RNGTT: variants seen among roughly 807,000 people sequenced by gnomAD.
RNGTT encodes RNA guanylyltransferase and 5'-phosphatase, also known as mRNA-capping enzyme.
In RNGTT, 33 loss-of-function variants were observed where a neutral mutation model predicts 79.3. The observed-to-expected ratio is 0.42, with a 90% CI of 0.32 to 0.56. The LOEUF (loss-of-function observed/expected upper bound fraction) is 0.56, where lower values mean the gene tolerates loss of function less well. Among genes scored for constraint, RNGTT ranks in the 20% least tolerant of loss-of-function variants. The pLI, the probability that RNGTT is intolerant of heterozygous loss-of-function variation, is 0.17. For missense variants in RNGTT, 497 were observed against 739.1 expected, an observed-to-expected ratio of 0.67 and a Z score of 3.80; for synonymous variants, 222 against 235.9, an observed-to-expected ratio of 0.94 and a Z score of 0.54.
chr6:88,892,325 GAC>G (rs754726960), intron 6 of RNGTT, among the ~76,000 whole-genome samples: 4 of 152,068 alleles, frequency 2.6e-5, no homozygotes, highest in Non-Finnish European at 2.9e-5. Flanking sequence ...AGTGGTAAAA[GAC>G]AGAATTTGAA....
intron 4 of RNGTT, among the ~76,000 whole-genome samples, chr6:88,923,501 C>T (rs2127951185): frequency 6.6e-6 from 1 of 152,264 alleles, no homozygotes; most frequent in South Asian, 2.1e-4. Context: ...TTGACACTAA[C>T]AGACATTATA....
At chr6:88,776,451 C>A (rs1308297383) in intron 12 of RNGTT, among the ~76,000 whole-genome samples, 1 of 151,868 alleles carries the variant, frequency 6.6e-6, no homozygotes, top group Admixed American at 6.6e-5. Context: ...TCCCAAGTAG[C>A]TGAGATTACA....
intron 13 of RNGTT, among the ~76,000 whole-genome samples, chr6:88,739,166 T>C (rs986716760): frequency 2.0e-5 from 3 of 152,098 alleles, no homozygotes; most frequent in African/African-American, 7.2e-5. Context: ...TCAAGCATAT[T>C]AGAAGCATTA....
intron 13 of RNGTT, among the ~76,000 whole-genome samples, chr6:88,756,242 A>AG (rs1277560923): frequency 1.3e-5 from 2 of 151,998 alleles, no homozygotes; most frequent in African/African-American, 4.8e-5. Context: ...TAGGAGGCCG[A>AG]GGCAGGGGGA....
intron 4 of RNGTT, among the ~76,000 whole-genome samples, chr6:88,915,613 T>C (rs1021308538): frequency 2.6e-5 from 4 of 152,078 alleles, no homozygotes; most frequent in African/African-American, 7.2e-5. Flanking sequence ...GGGACTCCAA[T>C]AGGAGGAAGA....
At chr6:88,731,683 A>G (rs1216159159) in intron 13 of RNGTT, among the ~76,000 whole-genome samples, 3 of 152,048 alleles carry the variant, frequency 2.0e-5, no homozygotes, top group Non-Finnish European at 4.4e-5. Flanking sequence ...CTACAGATGG[A>G]AAAAAAATTG....
intron 12 of RNGTT, among the ~76,000 whole-genome samples, chr6:88,791,258 C>T (rs1358202517): frequency 1.3e-5 from 2 of 151,508 alleles, no homozygotes. Context: ...AATCCTCCTA[C>T]CTCAGCCTCC....
chr6:88,825,725 T>C (rs1332242578), intron 11 of RNGTT, among the ~76,000 whole-genome samples: 1 of 152,234 alleles, frequency 6.6e-6, no homozygotes, highest in Non-Finnish European at 1.5e-5. Context: ...TCTACTGAAA[T>C]AGTTCACTAT....
At chr6:88,826,856 A>ATATATATATATATATATATGTGTGTG (rs1562272620) in intron 11 of RNGTT, among the ~76,000 whole-genome samples, 2 of 138,562 alleles carry the variant, frequency 1.4e-5, no homozygotes, top group Admixed American at 1.4e-4. Flanking sequence ...GTGTGTGTGT[A>ATATATATATATATATATATGTGTGTG]TATATATATA....
chr6:88,666,724 A>T (rs1774425999), intron 14 of RNGTT, among the ~76,000 whole-genome samples: 4 of 152,234 alleles, frequency 2.6e-5, no homozygotes, highest in Non-Finnish European at 5.9e-5. Context: ...AAGCAGCTTC[A>T]TTAACCCACA....
At chr6:88,688,569 C>T (rs1200224787) in intron 13 of RNGTT, among the ~76,000 whole-genome samples, 1 of 152,116 alleles carries the variant, frequency 6.6e-6, no homozygotes, top group Non-Finnish European at 1.5e-5. Flanking sequence ...GATTCTGTAA[C>T]ATCTTATGGT....
At chr6:88,935,625 T>C (rs1017543955) in intron 2 of RNGTT, among the ~76,000 whole-genome samples, 2 of 152,202 alleles carry the variant, frequency 1.3e-5, no homozygotes, top group African/African-American at 2.4e-5. Context: ...TGGTATTTTA[T>C]AGGGATTGCA....
intron 11 of RNGTT, among the ~76,000 whole-genome samples, chr6:88,804,875 C>T (rs1779905281): frequency 6.6e-6 from 1 of 152,176 alleles, no homozygotes; most frequent in African/African-American, 2.4e-5. Flanking sequence ...GAGATTATAA[C>T]TGCAGATGTT....
intron 13 of RNGTT, among the ~76,000 whole-genome samples, chr6:88,684,072 A>G (rs1775188551): frequency 6.6e-6 from 1 of 152,158 alleles, no homozygotes; most frequent in Non-Finnish European, 1.5e-5. Context: ...TGAGCAAAAG[A>G]CTGGAACAGA....
intron 2 of RNGTT, among the ~76,000 whole-genome samples, chr6:88,934,408 T>C (rs1259103196): frequency 6.6e-6 from 1 of 152,180 alleles, no homozygotes; most frequent in South Asian, 2.1e-4. Flanking sequence ...TGATGATTAG[T>C]AATGTTGAGC....
rs370993760 is a variant in RNGTT at position 88,612,768 on chromosome 6, G to A, written c.1745C>T (p.Thr582Met). The change falls in exon 16 of 16, where the codon ACG becomes ATG. Residue 582 changes from threonine (T) to methionine (M), a missense_variant. Physicochemically the swap from Thr to Met is moderately conservative, Grantham distance 81. Around this residue, in one of 3 missense-constraint regions of RNGTT, gnomAD observed 53 missense variants for 50.5 expected, o/e 1.05. Coordinates refer to ENST00000369485, the MANE Select transcript of RNGTT (RefSeq NM_003800.5). ...QKRKHHLDPD[T>M]ELMPPPPPKR... is the part of the protein sequence containing the mutation. Reference sequence around the variant, plus strand: ...GGGAGGTGGTGGTGGCATGAGCTCCGTGTCAGGGTCCAGATGATGTTTTCG... The same window carrying A: ...GGGAGGTGGTGGTGGCATGAGCTCCATGTCAGGGTCCAGATGATGTTTTCG... 8.1e-6 allele frequency: 13 copies of A among 1,613,246 alleles called. No homozygotes were observed. The highest frequency in any genetic ancestry group is 6.7e-5 in the African/African-American group (5 of 74,868).
In RNGTT at chr6:88,612,589, T is replaced by C; in HGVS notation, c.*130A>G. On this transcript the variant is annotated 3_prime_UTR_variant, in exon 16 of 16. Transcript: ENST00000369485. Reference sequence around the variant, plus strand: ...AGGCTGGCTACGATAACTTTCTTTTTTTAAAAAAAATTCAAATGTGTATCA... The same window carrying C: ...AGGCTGGCTACGATAACTTTCTTTTCTTAAAAAAAATTCAAATGTGTATCA... 3 of 1,055,170 alleles carry C rather than the reference T, an allele frequency of 2.8e-6. No homozygotes were observed. The highest frequency in any genetic ancestry group is 4.8e-5 in the East Asian group (2 of 41,706). 65.4% of individuals were successfully genotyped at this position (1,055,170 alleles called of 1,614,324 possible).
At chr6:88,637,864 C>A (rs1043983802) in intron 14 of RNGTT, among the ~76,000 whole-genome samples, 1 of 152,098 alleles carries the variant, frequency 6.6e-6, no homozygotes, top group Admixed American at 6.6e-5. Flanking sequence ...TTTATCCACA[C>A]AACTCCATAC....
At chr6:88,867,639 G>T (rs1289681006) in intron 8 of RNGTT, among the ~76,000 whole-genome samples, 1 of 152,092 alleles carries the variant, frequency 6.6e-6, no homozygotes, top group African/African-American at 2.4e-5. Context: ...TCTCTTCTTA[G>T]CTATAGAAAT....
Sources: allele counts gnomAD v4.1 joint callset (sites outside exome capture counted in the v4.1 genomes callset), GRCh38; gene constraint gnomAD v4.1.1; regional missense constraint gnomAD v4.1.1; transcripts MANE v1.5; gene names NCBI Gene and HGNC (gene_info 2026-07-23, HGNC 2026-07-21).